The following ADARB1 variants were observed in gnomAD, a reference collection of about 807,000 sequenced individuals.
The protein encoded by ADARB1 is double-stranded RNA-specific editase 1.
A neutral mutation model predicts 52.4 loss-of-function variants in ADARB1; 10 were observed. The observed-to-expected ratio is 0.19, with a 90% confidence interval of 0.12 to 0.32. The LOEUF is 0.32. ADARB1 is among the 10% of genes least tolerant of loss of function. The pLI, the probability that ADARB1 is intolerant of heterozygous loss-of-function variation, is 1.00. For synonymous variants in ADARB1, 349 were observed against 371.1 expected (o/e 0.94, Z 0.68); for missense variants, 643 against 922.3 (o/e 0.70, Z 3.92).
intron 3 of ADARB1, 126 bp downstream of exon 3, chr21:45,171,810 A>G: frequency 1.2e-6 from 1 of 842,112 alleles, no homozygotes; most frequent in Middle Eastern, 2.3e-4. Flanking sequence ...TCTTCTACTG[A>G]CAGTGGCATG....
intron 2 of ADARB1, among the ~76,000 whole-genome samples, chr21:45,168,396 C>T (rs2091340155): frequency 6.6e-6 from 1 of 152,036 alleles, no homozygotes; most frequent in Middle Eastern, 3.2e-3. Context: ...TTTGCCTAGC[C>T]CTAGATCCTG....
At chr21:45,088,896 G>A (rs1453136425) in intron 1 of ADARB1, among the ~76,000 whole-genome samples, 4 of 152,132 alleles carry the variant, frequency 2.6e-5, no homozygotes, top group Non-Finnish European at 4.4e-5. Flanking sequence ...GTCTAGTCAT[G>A]GAGAAATGTC....
At chr21:45,217,788 G>T (rs1467819128) in intron 9 of ADARB1, among the ~76,000 whole-genome samples, 1 of 152,138 alleles carries the variant, frequency 6.6e-6, no homozygotes, top group Non-Finnish European at 1.5e-5. Context: ...GTCTGGGAAA[G>T]TATTTTGCTT....
chr21:45,147,859 T>C (rs1811498676), intron 2 of ADARB1, among the ~76,000 whole-genome samples: 1 of 152,070 alleles, frequency 6.6e-6, no homozygotes, highest in Non-Finnish European at 1.5e-5. Context: ...TCCTCTCAGC[T>C]TCTCTTCTGA....
At chr21:45,092,519 G>A (rs1309348316) in intron 1 of ADARB1, among the ~76,000 whole-genome samples, 4 of 152,074 alleles carry the variant, frequency 2.6e-5, no homozygotes, top group Non-Finnish European at 5.9e-5. Context: ...TCTTAATCCT[G>A]GTAGGTGACC....
chr21:45,149,502 GTCT>G (rs994788480), intron 2 of ADARB1, among the ~76,000 whole-genome samples: 3 of 152,200 alleles, frequency 2.0e-5, no homozygotes, highest in Admixed American at 2.0e-4. Flanking sequence ...AATATGTTGT[GTCT>G]TCTTCTTTGA....
At chr21:45,197,687 AATAG>A (rs755623228) in intron 8 of ADARB1, among the ~76,000 whole-genome samples, 3 of 152,302 alleles carry the variant, frequency 2.0e-5, no homozygotes, top group Admixed American at 6.5e-5. Flanking sequence ...TCAACCGGTA[AATAG>A]ATAGAACAGA....
rs1245718224 is a variant in ADARB1, at chr21:45,142,054, G to A, written c.-48+13481G>A. On this transcript the variant is annotated intron_variant, in intron 2 of 10. Transcript: ENST00000348831. This position sits in a 1 kb window ranked among gnomAD's most constrained non-coding sequence, Gnocchi z 4.0. ...CCTGGGCCACTGTAGCCACCTCTGG[G>A]TGTCCTTAGCCACCCCCGGGCCACC... Among the ~76,000 whole-genome samples, 1 of 152,128 alleles carries A rather than the reference G, an allele frequency of 6.6e-6. No individual in the cohort carries two copies. Among genetic ancestry groups the A allele is most frequent in the African/African-American group, 2.4e-5 (1 of 41,424 alleles).
In ADARB1 at chr21:45,161,413, T is replaced by C. The variant is rs372760431; in HGVS notation, c.-47-10197T>C. Among the ~76,000 whole-genome samples, 261 of 152,326 alleles carry C rather than the reference T, an allele frequency of 1.7e-3. 1 individual carries two copies. The highest frequency in any genetic ancestry group is 6.1e-3 in the African/African-American group (252 of 41,582). On this transcript the variant is annotated intron_variant, in intron 2 of 10. Coordinates refer to ENST00000348831, the MANE Select transcript of ADARB1 (RefSeq NM_001112.4). ...TCCCAGCACCTGCTCCAGTTTCAGA[T>C]CAAAGTTGTGGCCGAGCTGGGACAC...
At chr21:45,213,884 C>G (rs2092814841) in intron 9 of ADARB1, among the ~76,000 whole-genome samples, 1 of 152,152 alleles carries the variant, frequency 6.6e-6, no homozygotes, top group Admixed American at 6.5e-5. Context: ...GCGCTTACTT[C>G]CATTTCTCTT....
chr21:45,168,439 A>T lies in ADARB1; in HGVS notation c.-47-3171A>T, dbSNP rs145146856. Among the ~76,000 whole-genome samples, 361 of 152,300 alleles carry T rather than the reference A, an allele frequency of 2.4e-3. 2 individuals carry two copies. Among genetic ancestry groups the T allele is most frequent in the African/African-American group, 8.3e-3 (345 of 41,562 alleles). On this transcript the variant is annotated intron_variant, in intron 2 of 10. Coordinates refer to ENST00000348831, the MANE Select transcript of ADARB1 (RefSeq NM_001112.4). ...TCTCCTGTAACTTTCTAAAAGTTTT[A>T]TAGTTTTATGTTTTGCATGTAAGCC...
At chr21:45,083,853 A>G (rs1052966491) in intron 1 of ADARB1, among the ~76,000 whole-genome samples, 2 of 152,156 alleles carry the variant, frequency 1.3e-5, no homozygotes, top group Admixed American at 6.5e-5. Context: ...GGTGGATGCC[A>G]CCACACCCGG....
intron 2 of ADARB1, among the ~76,000 whole-genome samples, chr21:45,130,892 T>C (rs1450120768): frequency 6.6e-6 from 1 of 152,222 alleles, no homozygotes; most frequent in African/African-American, 2.4e-5. Context: ...AGAATTCCTA[T>C]AGTAATTCCC....
At chr21:45,164,689 G>A (rs1048778805) in intron 2 of ADARB1, among the ~76,000 whole-genome samples, 1 of 152,166 alleles carries the variant, frequency 6.6e-6, no homozygotes, top group South Asian at 2.1e-4. Flanking sequence ...AAGGGCTGAC[G>A]ATGAGCACAT....
At chr21:45,131,271 C>T (rs915920622) in intron 2 of ADARB1, among the ~76,000 whole-genome samples, 3 of 152,130 alleles carry the variant, frequency 2.0e-5, no homozygotes, top group African/African-American at 7.2e-5. Context: ...AGCTGGTGAC[C>T]TGAAAACCAT....
intron 2 of ADARB1, among the ~76,000 whole-genome samples, chr21:45,162,400 G>C (rs2091019774): frequency 6.6e-6 from 1 of 152,124 alleles, no homozygotes; most frequent in Admixed American, 6.5e-5. Flanking sequence ...CACACCCCTT[G>C]CCACTCCACA....
intron 1 of ADARB1, among the ~76,000 whole-genome samples, chr21:45,109,083 C>T (rs535362905): frequency 3.3e-5 from 5 of 152,364 alleles, no homozygotes; most frequent in Non-Finnish European, 7.3e-5. Context: ...CCAGACCAGG[C>T]TCTGGGGTTC....
At chr21:45,141,213 CTT>C (rs1476658802) in intron 2 of ADARB1, among the ~76,000 whole-genome samples, 1 of 152,092 alleles carries the variant, frequency 6.6e-6, no homozygotes, top group African/African-American at 2.4e-5. Context: ...AAAGTTGTGA[CTT>C]TGCTGTGTAG....
At chr21:45,136,788 C>G (rs1169540544) in intron 2 of ADARB1, among the ~76,000 whole-genome samples, 2 of 152,246 alleles carry the variant, frequency 1.3e-5, no homozygotes, top group African/African-American at 4.8e-5. Flanking sequence ...AGCTGGTGTC[C>G]ACAGGGGCCA....
Sources: allele counts gnomAD v4.1 joint callset (sites outside exome capture counted in the v4.1 genomes callset), GRCh38; gene constraint gnomAD v4.1.1; non-coding constraint Gnocchi (gnomAD v3.1); transcripts MANE v1.5; gene names NCBI Gene and HGNC (gene_info 2026-07-23, HGNC 2026-07-21).